TSEN15: variants seen among roughly 807,000 people sequenced by gnomAD.
The protein encoded by TSEN15 is tRNA splicing endonuclease subunit 15, also known as tRNA-splicing endonuclease subunit Sen15.
Under a neutral mutation model 20.5 loss-of-function variants are expected in TSEN15, and 10 were observed. The observed-to-expected ratio is 0.49, with a 90% CI of 0.30 to 0.83. The LOEUF (loss-of-function observed/expected upper bound fraction) is 0.83. Among genes scored for constraint, TSEN15 ranks in the 40% least tolerant of loss-of-function variants. TSEN15 has a pLI of 0.06. For missense variants in TSEN15, 180 were observed against 218.6 expected (o/e 0.82, Z 1.11); for synonymous variants, 72 against 80.1 (o/e 0.90, Z 0.54).
chr1:184,052,187 G>T (rs116042970), intron 1 of TSEN15, among the ~76,000 whole-genome samples: 153 of 152,300 alleles, frequency 1.0e-3, no homozygotes, highest in Non-Finnish European at 1.6e-3. Context: ...TTGCTGTCTA[G>T]GTAAATCCCC....
chr1:184,068,491 T>G (rs764041160), intron 3 of TSEN15, among the ~76,000 whole-genome samples: 27 of 152,204 alleles, frequency 1.8e-4, no homozygotes, highest in Non-Finnish European at 2.4e-4. Context: ...TGGCAGCTTC[T>G]TTTAACTGAT....
intron 2 of TSEN15, 22 bp from the exon 3 acceptor site, chr1:184,054,706 C>T (rs924454944): frequency 6.2e-6 from 10 of 1,606,992 alleles, no homozygotes; most frequent in Admixed American, 1.7e-5. Context: ...ACATTATTGT[C>T]CATTCAATGA....
chr1:184,093,661 C>A (rs1572724568), intron 3 of TSEN15: 2 of 152,000 alleles, frequency 1.3e-5, no homozygotes, highest in African/African-American at 4.8e-5. Context: ...AAGATATTAA[C>A]AAAAAGCAGC....
At chr1:184,053,097 G>C (rs1468569909) in intron 1 of TSEN15, among the ~76,000 whole-genome samples, 1 of 152,108 alleles carries the variant, frequency 6.6e-6, no homozygotes, top group Non-Finnish European at 1.5e-5. Flanking sequence ...ATCTAGATTT[G>C]GTGGTGTTAT....
At chr1:184,081,257 G>C (rs979368315) in intron 3 of TSEN15, among the ~76,000 whole-genome samples, 1 of 152,164 alleles carries the variant, frequency 6.6e-6, no homozygotes, top group Admixed American at 6.5e-5. Context: ...GCAACAGCCA[G>C]CGAGTTCATT....
intron 3 of TSEN15, among the ~76,000 whole-genome samples, chr1:184,068,867 G>C (rs12029719): frequency 6.6e-6 from 1 of 152,162 alleles, no homozygotes; most frequent in South Asian, 2.1e-4. Context: ...CCACATTGAA[G>C]AGGATAGGAG....
At chr1:184,061,445 A>C (rs1051673595) in intron 3 of TSEN15, among the ~76,000 whole-genome samples, 2 of 152,160 alleles carry the variant, frequency 1.3e-5, no homozygotes, top group Non-Finnish European at 2.9e-5. Context: ...TATTATTTAC[A>C]AAGAGCATAT....
At chr1:184,091,479 A>C (rs991751138) in intron 3 of TSEN15, among the ~76,000 whole-genome samples, 3 of 152,096 alleles carry the variant, frequency 2.0e-5, no homozygotes, top group African/African-American at 7.2e-5. Context: ...TAGTGTATAC[A>C]ATTTGCACAA....
chr1:184,052,495 T>G (rs1390221688), intron 1 of TSEN15, among the ~76,000 whole-genome samples: 1 of 152,102 alleles, frequency 6.6e-6, no homozygotes, highest in Non-Finnish European at 1.5e-5. Context: ...CTTGAGACAT[T>G]ACTGCCTTGT....
chr1:184,090,851 G>C (rs1034813318), intron 3 of TSEN15, among the ~76,000 whole-genome samples: 1 of 152,150 alleles, frequency 6.6e-6, no homozygotes, highest in Non-Finnish European at 1.5e-5. Flanking sequence ...CTGTGGGTAG[G>C]GGACTGACTT....
intron 3 of TSEN15, among the ~76,000 whole-genome samples, chr1:184,081,900 C>T (rs1165012213): frequency 6.6e-6 from 1 of 152,176 alleles, no homozygotes; most frequent in Non-Finnish European, 1.5e-5. Context: ...TCTTCTGATG[C>T]ACCAGATTGT....
At position 184,052,038 on chromosome 1, in the gene TSEN15, C is replaced by T. The variant is rs1032482132; in HGVS notation, c.135+148C>T. 8.2e-6 allele frequency: 7 copies of T among 858,302 alleles called. No homozygotes were observed. The East Asian group carries it at 1.3e-4, about 16-fold the overall frequency. 53.2% of individuals were successfully genotyped at this position (858,302 alleles called of 1,614,324 possible). A position where few individuals can be genotyped will look rare whatever the true frequency, so the allele number is the denominator to read the frequency against. ...GGGGACCGGTGTGCACAACTGCCAG[C>T]CTCAGGCAGCATCGGTTTTGTTTGT... On this transcript the variant is annotated intron_variant, in intron 1 of 4. Coordinates refer to ENST00000645668, the MANE Select transcript of TSEN15 (RefSeq NM_052965.4).
chr1:184,056,874 A>T (rs1481829654), intron 3 of TSEN15, among the ~76,000 whole-genome samples: 1 of 152,084 alleles, frequency 6.6e-6, no homozygotes, highest in African/African-American at 2.4e-5. Flanking sequence ...ATATCTCTTA[A>T]TCGCTTGCTT....
chr1:184,091,355 T>G (rs909485923), intron 3 of TSEN15, among the ~76,000 whole-genome samples: 4 of 152,016 alleles, frequency 2.6e-5, no homozygotes, highest in Non-Finnish European at 5.9e-5. Flanking sequence ...GTACAGTATA[T>G]ATAGTCACCA....
chr1:184,051,817 T>C lies in TSEN15; in HGVS notation c.62T>C (p.Val21Ala). ...TGCAGCGGCCTGGGTCCGGGCGGTG[T>C]TCGCGGCTTTGGCGACGGCGGTGGA... is the stretch of plus-strand genomic sequence containing the variant. ...PGCSGLGPGG[V>A]RGFGDGGGAP... Residue 21 changes from valine to alanine, a missense_variant, in exon 1 of 5, where the codon GTT (valine) becomes GCT (alanine). Physicochemically the swap from Val to Ala is moderately conservative, Grantham distance 64. Around this residue, in one of 3 missense-constraint regions of TSEN15, gnomAD observed 76 missense variants for 66.5 expected, o/e 1.14. Coordinates refer to ENST00000645668, the MANE Select transcript of TSEN15 (RefSeq NM_052965.4). 1 of 1,543,846 alleles carries C rather than the reference T, an allele frequency of 6.5e-7. No homozygotes were observed. The highest frequency in any genetic ancestry group is 8.7e-7 in the Non-Finnish European group (1 of 1,144,914).
At chr1:184,079,250 C>T (rs1453320176) in intron 3 of TSEN15, among the ~76,000 whole-genome samples, 1 of 152,076 alleles carries the variant, frequency 6.6e-6, no homozygotes, top group Non-Finnish European at 1.5e-5. Flanking sequence ...TTCCCAAAGC[C>T]AATTTAAGCA....
intron 3 of TSEN15, among the ~76,000 whole-genome samples, chr1:184,085,371 C>T (rs1262661056): frequency 6.6e-6 from 1 of 152,126 alleles, no homozygotes. Flanking sequence ...ATATAAGGAC[C>T]TTATTTTGTT....
chr1:184,091,155 T>A (rs998728844), intron 3 of TSEN15, among the ~76,000 whole-genome samples: 3 of 152,086 alleles, frequency 2.0e-5, no homozygotes, highest in Non-Finnish European at 4.4e-5. Context: ...TCCTGAATCC[T>A]TCCTACCCTC....
At chr1:184,069,273 C>G (rs899743176) in intron 3 of TSEN15, among the ~76,000 whole-genome samples, 1 of 151,970 alleles carries the variant, frequency 6.6e-6, no homozygotes, top group East Asian at 1.9e-4. Context: ...ACATATTTTT[C>G]TTTAGGTGGG....
Sources: gnomAD v4.1 joint callset for allele counts (sites outside exome capture counted in the v4.1 genomes callset) on GRCh38, gnomAD v4.1.1 for gene constraint, gnomAD v4.1.1 regional missense constraint, MANE v1.5 for transcripts, NCBI Gene and HGNC (gene_info 2026-07-23, HGNC 2026-07-21) for gene names.